RAB11FIP3: variants seen among roughly 807,000 people sequenced by gnomAD.
RAB11FIP3 encodes the protein rab11 family-interacting protein 3.
RAB11FIP3 carries 17 observed loss-of-function variants against 77.8 expected under a neutral mutation model. The ratio of observed to expected loss-of-function variants is 0.22; its 90% confidence interval spans 0.15 to 0.33. The LOEUF (loss-of-function observed/expected upper bound fraction) is 0.33, where lower values mean the gene tolerates loss of function less well. RAB11FIP3 is among the 10% of genes least tolerant of loss of function. The pLI is 1.00. For synonymous variants in RAB11FIP3, 437 were observed against 448.2 expected (o/e 0.98, Z 0.31); for missense variants, 1,005 against 1,011.2 (o/e 0.99, Z 0.08).
chr16:454,071 C>T (rs936089590), intron 1 of RAB11FIP3, among the ~76,000 whole-genome samples: 3 of 152,264 alleles, frequency 2.0e-5, no homozygotes, highest in African/African-American at 7.2e-5. Flanking sequence ...ACTCAAATGC[C>T]TTCATTTTCC....
intron 1 of RAB11FIP3, among the ~76,000 whole-genome samples, chr16:446,561 G>T (rs1048822937): frequency 6.6e-6 from 1 of 152,232 alleles, no homozygotes; most frequent in Non-Finnish European, 1.5e-5. Context: ...ATCCTTCACA[G>T]TAGAAGTTTG....
chr16:518,253 A>AT lies in RAB11FIP3; in HGVS notation c.1641-683dup, dbSNP rs561730733. On this transcript the variant is annotated intron_variant, in intron 9 of 13. Coordinates refer to ENST00000262305, the MANE Select transcript of RAB11FIP3 (RefSeq NM_014700.4). ...GCCACTATGCTCGGCTAATTTTTGT[A>AT]TTTTTTTATAGAGATGGGGGTCTCA... Among the ~76,000 whole-genome samples the AT allele has an allele frequency of 2.2e-3, 335 of 152,132 alleles. 5 individuals carry two copies. Among genetic ancestry groups the AT allele is most frequent in the African/African-American group, 7.6e-3 (315 of 41,502 alleles).
At chr16:440,455 G>C (rs937999147) in intron 1 of RAB11FIP3, among the ~76,000 whole-genome samples, 1 of 152,148 alleles carries the variant, frequency 6.6e-6, no homozygotes, top group Non-Finnish European at 1.5e-5. Flanking sequence ...CCTTCCCTGG[G>C]ATCAGTGGCC....
Position 448,814 on chromosome 16 carries a change from C to T in RAB11FIP3, c.715-12590C>T, listed in dbSNP as rs956676054. Among the ~76,000 whole-genome samples the T allele has an allele frequency of 2.0e-5, 3 of 151,182 alleles. No homozygotes were observed. In the East Asian group the frequency reaches 5.8e-4, roughly 29 times the overall value. ...CCTGTAATCCCAGCTACTCGGGAGG[C>T]TGAAGCAGGAGAATCACTTGAACCT... On this transcript the variant is annotated intron_variant, in intron 1 of 13. Coordinates refer to ENST00000262305, the MANE Select transcript of RAB11FIP3 (RefSeq NM_014700.4).
intron 6 of RAB11FIP3, chr16:497,128 G>A (rs187334616): frequency 8.4e-5 from 51 of 605,844 alleles, no homozygotes; most frequent in African/African-American, 8.3e-4. Flanking sequence ...AGGTCTGGAA[G>A]GGGCCGCCAT....
At chr16:434,200 C>G (rs1481014183) in intron 1 of RAB11FIP3, among the ~76,000 whole-genome samples, 1 of 152,216 alleles carries the variant, frequency 6.6e-6, no homozygotes, top group African/African-American at 2.4e-5. Flanking sequence ...TAGGTCACTG[C>G]AACCTTCGCC....
At chr16:508,884 T>C (rs887114003) in intron 8 of RAB11FIP3, among the ~76,000 whole-genome samples, 1 of 151,822 alleles carries the variant, frequency 6.6e-6, no homozygotes, top group African/African-American at 2.4e-5. Context: ...TTCTCAGTTT[T>C]CTCCTTCAAC....
At position 472,310 on chromosome 16, in the gene RAB11FIP3, G is replaced by C. The variant is rs946367151; in HGVS notation, c.903+921G>C. Among the ~76,000 whole-genome samples the C allele has an allele frequency of 5.3e-5, 8 of 152,236 alleles. No homozygotes were observed. The highest frequency in any genetic ancestry group is 1.7e-4 in the African/African-American group (7 of 41,470). The stretch of plus-strand genomic sequence containing the variant: ...TCTGCCCACACAGACCCTGGGGGTG[G>C]TTCTGCCTTACGGCGGTGTCCCAGT... On this transcript the variant is annotated intron_variant, in intron 3 of 13. Transcript: ENST00000262305. The surrounding 1 kb of genome is among the most constrained non-coding windows in gnomAD (Gnocchi z 4.1).
chr16:436,152 T>C (rs1312105450), intron 1 of RAB11FIP3, among the ~76,000 whole-genome samples: 1 of 151,978 alleles, frequency 6.6e-6, no homozygotes, highest in Non-Finnish European at 1.5e-5. Context: ...CTGCTAAAAG[T>C]ACAAAAAATT....
intron 2 of RAB11FIP3, among the ~76,000 whole-genome samples, chr16:468,942 C>G (rs1378256295): frequency 6.6e-6 from 1 of 152,200 alleles, no homozygotes; most frequent in Non-Finnish European, 1.5e-5. Context: ...AGAACCTGAG[C>G]TGTCATGCGC....
chr16:519,130 T>C (rs2032554693), intron 10 of RAB11FIP3, 106 bp downstream of exon 10: 5 of 1,245,208 alleles, frequency 4.0e-6, no homozygotes, highest in Non-Finnish European at 5.8e-6. Context: ...GATACTGTGC[T>C]GTGTGTGAGG....
intron 4 of RAB11FIP3, among the ~76,000 whole-genome samples, chr16:487,797 C>T (rs1038869578): frequency 6.6e-5 from 10 of 152,356 alleles, no homozygotes; most frequent in African/African-American, 2.4e-4. Context: ...GAGTCACTCC[C>T]TTCAGAAGGA....
At chr16:491,088 A>G (rs1350245859) in intron 5 of RAB11FIP3, 2 of 1,274,450 alleles carry the variant, frequency 1.6e-6, no homozygotes, top group East Asian at 1.2e-4. Context: ...ACAGATGACC[A>G]CACGGGTCCT....
At position 482,587 on chromosome 16, in the gene RAB11FIP3, C is replaced by T; in HGVS notation, c.966C>T (p.Thr322=). The T allele has an allele frequency of 6.2e-7, 1 of 1,613,612 alleles. No individual in the cohort carries two copies. Among genetic ancestry groups the T allele is most frequent in the Non-Finnish European group, 8.5e-7 (1 of 1,180,032 alleles). Residue 322 remains threonine, a synonymous_variant, in exon 4 of 14, where the codon ACC becomes ACT. Coordinates refer to ENST00000262305, the MANE Select transcript of RAB11FIP3 (RefSeq NM_014700.4). The part of the protein sequence containing the change: ...GSESTYSECE[T]FTDEDTSTLV... ...AGAGCACCTACAGTGAGTGTGAGAC[C>T]TTCACGGACGAGGACACCAGCACCC... is the stretch of plus-strand genomic sequence containing the variant.
In RAB11FIP3 at chr16:461,629, C is replaced by A. The variant is rs986972967; in HGVS notation, c.808+132C>A. 4.6e-6 allele frequency: 3 copies of A among 648,308 alleles called. No homozygotes were observed. The highest frequency in any genetic ancestry group is 3.7e-5 in the African/African-American group (2 of 53,842). 40.2% of individuals were successfully genotyped at this position (648,308 alleles called of 1,614,324 possible). A position where few individuals can be genotyped will look rare whatever the true frequency, so the allele number is the denominator to read the frequency against. The stretch of plus-strand genomic sequence containing the variant: ...TTCTCCTTGAAGCCCCCAACATACC[C>A]CAGGTTTCCAGGTGGTCTCTTTCCT... On this transcript the variant is annotated intron_variant, in intron 2 of 13. Transcript: ENST00000262305. The surrounding 1 kb of genome is among the most constrained non-coding windows in gnomAD (Gnocchi z 4.5).
At chr16:435,204 C>CAAAAAAAAAAAAAAAAAAA (rs371438435) in intron 1 of RAB11FIP3, among the ~76,000 whole-genome samples, 2 of 83,162 alleles carry the variant, frequency 2.4e-5, no homozygotes, top group African/African-American at 9.0e-5. Context: ...GACTCCGTCT[C>CAAAAAAAAAAAAAAAAAAA]AAAAAAAAAA....
At chr16:499,351 A>C (rs1172040982) in intron 6 of RAB11FIP3, among the ~76,000 whole-genome samples, 1 of 152,206 alleles carries the variant, frequency 6.6e-6, no homozygotes, top group Non-Finnish European at 1.5e-5. Flanking sequence ...GCAGCTGGTG[A>C]CATGAAAGAC....
chr16:477,599 T>C, intron 3 of RAB11FIP3: 1 of 985,236 alleles, frequency 1.0e-6, no homozygotes, highest in Non-Finnish European at 1.2e-6. Context: ...AGGCCAGCCC[T>C]GTCCTGAGTG....
At chr16:497,558 C>T in intron 6 of RAB11FIP3, 1 of 929,940 alleles carries the variant, frequency 1.1e-6, no homozygotes, top group Non-Finnish European at 1.4e-6. Flanking sequence ...TGGAGCATCC[C>T]CTCTGGAGCC....
Sources: gnomAD v4.1 joint callset for allele counts (sites outside exome capture counted in the v4.1 genomes callset) on GRCh38, gnomAD v4.1.1 for gene constraint, Gnocchi (gnomAD v3.1) non-coding constraint, MANE v1.5 for transcripts, NCBI Gene and HGNC (gene_info 2026-07-23, HGNC 2026-07-21) for gene names.